The following SOX6 variants were observed in gnomAD, a reference collection of about 807,000 sequenced individuals.
SOX6 encodes the protein transcription factor SOX-6.
SOX6 carries 11 observed loss-of-function variants against 97.8 expected under a neutral mutation model. The ratio of observed to expected loss-of-function variants is 0.11; its 90% CI spans 0.07 to 0.19. The LOEUF is 0.19. SOX6 is among the 10% of genes least tolerant of loss of function. The pLI, the probability that SOX6 is intolerant of heterozygous loss-of-function variation, is 1.00. For synonymous variants in SOX6, 360 were observed against 371.4 expected (o/e 0.97, Z 0.35); for missense variants, 810 against 1,039.5 (o/e 0.78, Z 3.04).
At chr11:16,679,582 C>A (rs1254795166) in intron 3 of SOX6, among the ~76,000 whole-genome samples, 2 of 152,158 alleles carry the variant, frequency 1.3e-5, no homozygotes, top group East Asian at 3.9e-4. Context: ...CAGCTCTTCA[C>A]CAGCAAGGGA....
intron 4 of SOX6, among the ~76,000 whole-genome samples, chr11:16,541,907 G>A (rs768716268): frequency 8.5e-5 from 13 of 152,170 alleles, no homozygotes; most frequent in Admixed American, 2.0e-4. Context: ...ACAGTGTGAC[G>A]ATTCCTCAAG....
intron 13 of SOX6, among the ~76,000 whole-genome samples, chr11:15,999,640 G>C (rs1854339324): frequency 6.6e-6 from 1 of 151,924 alleles, no homozygotes. Flanking sequence ...CTGAAAAGTA[G>C]GTGACATATT....
chr11:16,086,331 T>A (rs1411576459), intron 9 of SOX6, among the ~76,000 whole-genome samples: 1 of 152,190 alleles, frequency 6.6e-6, no homozygotes, highest in Non-Finnish European at 1.5e-5. Context: ...CCAAGATTCC[T>A]GAGAAGAAAG....
At chr11:16,595,603 CAAA>C (rs10712410) in intron 4 of SOX6, among the ~76,000 whole-genome samples, 57 of 113,832 alleles carry the variant, frequency 5.0e-4, no homozygotes, top group Middle Eastern at 8.3e-3. Flanking sequence ...CCACCTCTAC[CAAA>C]AAAAAAAAAA....
At chr11:16,467,112 G>A (rs1000730388) in intron 1 of SOX6, among the ~76,000 whole-genome samples, 5 of 152,060 alleles carry the variant, frequency 3.3e-5, no homozygotes, top group Admixed American at 2.0e-4. Context: ...CAGTAAGAAT[G>A]GCTATTATTA....
chr11:16,172,558 G>A (rs1018738266), intron 6 of SOX6, among the ~76,000 whole-genome samples: 7 of 152,024 alleles, frequency 4.6e-5, no homozygotes, highest in Non-Finnish European at 1.5e-5. Context: ...GGTTTGAAAT[G>A]GAAACATCCT....
chr11:16,235,355 C>T (rs908772828), intron 3 of SOX6, among the ~76,000 whole-genome samples: 9 of 152,002 alleles, frequency 5.9e-5, no homozygotes, highest in African/African-American at 2.2e-4. Context: ...AGTAATTACA[C>T]TTGTTTTTAT....
At chr11:16,606,217 T>C (rs1185201712) in intron 4 of SOX6, among the ~76,000 whole-genome samples, 1 of 141,310 alleles carries the variant, frequency 7.1e-6, no homozygotes, top group African/African-American at 2.8e-5. Flanking sequence ...CTCTCTTTAC[T>C]TCCCTCTTTT....
intron 15 of SOX6, among the ~76,000 whole-genome samples, chr11:15,984,885 G>A (rs951961289): frequency 3.9e-5 from 6 of 152,106 alleles, no homozygotes; most frequent in African/African-American, 1.4e-4. Flanking sequence ...ATCGTATTAA[G>A]CACTATATAA....
At chr11:15,982,997 T>C (rs1853714763) in intron 15 of SOX6, among the ~76,000 whole-genome samples, 1 of 151,890 alleles carries the variant, frequency 6.6e-6, no homozygotes, top group Non-Finnish European at 1.5e-5. Context: ...GACACCACAC[T>C]CAGAATTGGT....
chr11:16,434,898 T>G (rs1292024380), intron 1 of SOX6, among the ~76,000 whole-genome samples: 1 of 152,174 alleles, frequency 6.6e-6, no homozygotes, highest in Non-Finnish European at 1.5e-5. Flanking sequence ...TTTTTAATGA[T>G]CAAGTTTATA....
intron 4 of SOX6, among the ~76,000 whole-genome samples, chr11:16,521,409 C>A (rs943110089): frequency 6.6e-6 from 1 of 152,178 alleles, no homozygotes; most frequent in Non-Finnish European, 1.5e-5. Flanking sequence ...AACAGACCTG[C>A]AGCTGAGGGT....
intron 12 of SOX6, among the ~76,000 whole-genome samples, chr11:16,026,120 C>T (rs1444876002): frequency 6.6e-6 from 1 of 152,094 alleles, no homozygotes; most frequent in East Asian, 1.9e-4. Context: ...AATTCATCTG[C>T]AAAATGAGGG....
chr11:16,063,150 A>G (rs189163498), intron 9 of SOX6, among the ~76,000 whole-genome samples: 18 of 150,502 alleles, frequency 1.2e-4, no homozygotes, highest in Admixed American at 4.6e-4. Context: ...CCAATCCACA[A>G]ATAAATACTT....
At chr11:16,152,084 C>T (rs1368243279) in intron 6 of SOX6, among the ~76,000 whole-genome samples, 1 of 152,152 alleles carries the variant, frequency 6.6e-6, no homozygotes, top group African/African-American at 2.4e-5. Flanking sequence ...TCAAATACAT[C>T]ATAGGGAACA....
Position 16,691,506 on chromosome 11 carries a change from G to A in SOX6, n.429+23324C>T, listed in dbSNP as rs138441603. Among the ~76,000 whole-genome samples, 1,063 of 152,210 alleles carry A rather than the reference G, an allele frequency of 7.0e-3. 6 individuals are homozygous for A. The highest frequency in any genetic ancestry group is 0.012 in the Non-Finnish European group (815 of 67,984). ...AGAATAAAACAGAAGTGTAAAGAAGGGAAAAAACTGGCTGGGCATGGTGGC... is the reference window on the plus strand; with the variant it reads ...AGAATAAAACAGAAGTGTAAAGAAGAGAAAAAACTGGCTGGGCATGGTGGC... On this transcript the variant is annotated intron_variant and non_coding_transcript_variant, in intron 3 of 5. Transcript: ENST00000524520.
intron 12 of SOX6, among the ~76,000 whole-genome samples, chr11:16,041,194 C>A (rs772187702): frequency 1.6e-4 from 24 of 152,080 alleles, no homozygotes; most frequent in Non-Finnish European, 3.4e-4. Flanking sequence ...ATAGAAGGAG[C>A]TCATTCATTC....
intron 4 of SOX6, among the ~76,000 whole-genome samples, chr11:16,556,002 A>C (rs936501997): frequency 6.6e-6 from 1 of 151,678 alleles, no homozygotes; most frequent in Non-Finnish European, 1.5e-5. Flanking sequence ...AAGGAAAACA[A>C]AAGTCTGTTT....
chr11:16,123,357 A>C (rs1255659961), intron 6 of SOX6, among the ~76,000 whole-genome samples: 2 of 152,022 alleles, frequency 1.3e-5, no homozygotes, highest in Admixed American at 1.3e-4. Context: ...GGCAACTCTA[A>C]CCAGGACGTA....
Sources: allele counts gnomAD v4.1 joint callset (sites outside exome capture counted in the v4.1 genomes callset), GRCh38; gene constraint gnomAD v4.1.1; transcripts MANE v1.5; gene names NCBI Gene and HGNC (gene_info 2026-07-23, HGNC 2026-07-21).